The following RLF variants were observed in gnomAD, a reference collection of about 807,000 sequenced individuals.
The protein encoded by RLF is zinc finger protein Rlf.
Under a neutral mutation model 162.9 loss-of-function variants are expected in RLF, and 7 were observed. The observed-to-expected ratio is 0.04, with a 90% CI of 0.02 to 0.08. The LOEUF is 0.08. Among genes scored for constraint, RLF ranks in the 10% least tolerant of loss-of-function variants. RLF has a pLI of 1.00. For missense variants in RLF, 1,664 were observed against 2,244.7 expected, an observed-to-expected ratio of 0.74 and a Z score of 5.23; for synonymous variants, 782 against 791.5, an observed-to-expected ratio of 0.99 and a Z score of 0.20.
chr1:40,165,966 C>T lies in RLF; in HGVS notation c.237+4330C>T, dbSNP rs113849408. On this transcript the variant is annotated intron_variant, in intron 1 of 7. Coordinates refer to ENST00000372771, the MANE Select transcript of RLF (RefSeq NM_012421.4). ...TAACCCGGGGTCTTCCTTTCCCCAT[C>T]TACCTATTTATCCTTTAAGACCTGG... Among the ~76,000 whole-genome samples, 28 of 152,316 alleles carry T rather than the reference C, an allele frequency of 1.8e-4. No individual in the cohort carries two copies. In the East Asian group the frequency reaches 4.4e-3, roughly 24 times the overall value.
chr1:40,212,880 C>G (rs2124548364), intron 5 of RLF, among the ~76,000 whole-genome samples: 1 of 152,210 alleles, frequency 6.6e-6, no homozygotes, highest in African/African-American at 2.4e-5. Context: ...AAAAAGTAAA[C>G]AGGAGTATAG....
intron 3 of RLF, among the ~76,000 whole-genome samples, chr1:40,191,262 G>T (rs1196220211): frequency 2.0e-5 from 3 of 152,168 alleles, no homozygotes; most frequent in African/African-American, 7.2e-5. Context: ...ACCTGGCTGG[G>T]TGTAGTAGCT....
intron 5 of RLF, among the ~76,000 whole-genome samples, chr1:40,205,110 T>C (rs1223771445): frequency 1.3e-5 from 2 of 152,218 alleles, no homozygotes; most frequent in East Asian, 1.9e-4. Context: ...GTCTCTGTTA[T>C]AACCACCCCA....
intron 1 of RLF, among the ~76,000 whole-genome samples, chr1:40,187,869 C>A (rs1419189977): frequency 1.3e-5 from 2 of 152,100 alleles, no homozygotes; most frequent in African/African-American, 4.8e-5. Context: ...GCAGAAAAAT[C>A]AAAGACAGGA....
At chr1:40,182,110 C>A (rs1387682372) in intron 1 of RLF, among the ~76,000 whole-genome samples, 6 of 152,100 alleles carry the variant, frequency 3.9e-5, no homozygotes, top group African/African-American at 1.4e-4. Flanking sequence ...TAGCATGATT[C>A]TATTAAAATG....
chr1:40,230,807 A>G (rs866696581), intron 6 of RLF, among the ~76,000 whole-genome samples: 4 of 152,088 alleles, frequency 2.6e-5, no homozygotes, highest in Middle Eastern at 3.2e-3. Context: ...TTGCATTCAC[A>G]TTTTACATTC....
chr1:40,177,027 G>A lies in RLF; in HGVS notation c.238-12028G>A, dbSNP rs150854853. ...TTTTGAGACCGAGTCTCACTTTGTC[G>A]TCCAGGCAGGAGTGCAATGGCGCGA... On this transcript the variant is annotated intron_variant, in intron 1 of 7. Transcript: ENST00000372771. 6.5e-3 allele frequency among the ~76,000 whole-genome samples: 947 copies of A among 146,282 alleles called. 3 individuals carry two copies. Among genetic ancestry groups the A allele is most frequent in the Admixed American group, 0.011 (161 of 14,386 alleles).
chr1:40,200,934 ACAC>A (rs1642706451), intron 4 of RLF, among the ~76,000 whole-genome samples: 1 of 111,544 alleles, frequency 9.0e-6, no homozygotes, highest in African/African-American at 4.0e-5. Flanking sequence ...ACACACACAC[ACAC>A]ACTGGTTTAT....
chr1:40,227,014 C>G (rs1643087104), intron 6 of RLF, among the ~76,000 whole-genome samples: 2 of 152,284 alleles, frequency 1.3e-5, no homozygotes, highest in African/African-American at 4.8e-5. Flanking sequence ...TAGGTGCCAG[C>G]CACCACGCCT....
chr1:40,235,979 T>G lies in RLF; in HGVS notation c.1277T>G (p.Phe426Cys). 1 of 1,613,746 alleles carries G rather than the reference T, an allele frequency of 6.2e-7. No individual in the cohort carries two copies. Among genetic ancestry groups the G allele is most frequent in the Non-Finnish European group, 8.5e-7 (1 of 1,179,896 alleles). Residue 426 changes from phenylalanine (F) to cysteine (C), a missense_variant, in exon 8 of 8, where the codon TTT (phenylalanine) becomes TGT (cysteine). Phe to Cys is a radical substitution (Grantham distance 205, BLOSUM62 -2). Coordinates refer to ENST00000372771, the MANE Select transcript of RLF (RefSeq NM_012421.4). ...TTAATTGAACCCAGTTTGGATGGAT[T>G]TAATATGTTAGAAGAACTATATTTG... Reference protein sequence around the residue: ...EFLIEPSLDGFNMLEELYLQP... With the variant: ...EFLIEPSLDGCNMLEELYLQP...
chr1:40,216,855 C>T (rs1642930887), intron 5 of RLF, among the ~76,000 whole-genome samples: 1 of 152,088 alleles, frequency 6.6e-6, no homozygotes, highest in African/African-American at 2.4e-5. Context: ...AGTTCGAGTC[C>T]AGCCTGGACA....
intron 4 of RLF, among the ~76,000 whole-genome samples, chr1:40,197,609 C>A (rs1354502374): frequency 1.3e-5 from 2 of 152,168 alleles, no homozygotes; most frequent in Non-Finnish European, 2.9e-5. Context: ...AGAAAAACAT[C>A]AAGAAATGGG....
At chr1:40,234,875 G>A (rs182373583) in intron 7 of RLF, among the ~76,000 whole-genome samples, 44 of 152,208 alleles carry the variant, frequency 2.9e-4, no homozygotes, top group Admixed American at 2.6e-4. Context: ...TTTTAAACTA[G>A]TTTCTGAGAA....
intron 5 of RLF, among the ~76,000 whole-genome samples, chr1:40,219,596 A>C (rs61778541): frequency 0.052 from 7,922 of 152,282 alleles, 603 homozygotes; most frequent in African/African-American, 0.17. Context: ...TACAAAGCCC[A>C]CACTATAAAC....
intron 5 of RLF, among the ~76,000 whole-genome samples, chr1:40,205,708 G>T (rs555891375): frequency 6.6e-6 from 1 of 152,060 alleles, no homozygotes; most frequent in Admixed American, 6.5e-5. Flanking sequence ...AGCCAAGATG[G>T]TCTCCATCTC....
rs750386517 is a variant in RLF at position 40,237,266 on chromosome 1, C to T, written c.2564C>T (p.Pro855Leu). The T allele has an allele frequency of 5.3e-5, 85 of 1,613,800 alleles. No homozygotes were observed. The highest frequency in any genetic ancestry group is 6.3e-5 in the Non-Finnish European group (74 of 1,179,984). ...TGEKQDCINQ[P>L]HLLNQTDKSH... ...GAAAAGCAAGATTGTATTAATCAGC[C>T]CCATCTACTTAACCAAACTGATAAA... is the stretch of plus-strand genomic sequence containing the variant. The change falls in exon 8 of 8, where the codon CCC becomes CTC. Residue 855 changes from proline to leucine, a missense_variant. Pro to Leu is a moderately conservative substitution (Grantham distance 98). Transcript: ENST00000372771. This position sits in a 1 kb window ranked among gnomAD's most constrained non-coding sequence, Gnocchi z 4.4.
intron 6 of RLF, among the ~76,000 whole-genome samples, chr1:40,228,695 C>T (rs963836201): frequency 2.6e-5 from 4 of 151,228 alleles, no homozygotes; most frequent in Middle Eastern, 3.4e-3. Context: ...AATCGAAGCT[C>T]GCTGCAGCCT....
intron 5 of RLF, among the ~76,000 whole-genome samples, chr1:40,214,452 C>T (rs570141972): frequency 6.6e-6 from 1 of 152,238 alleles, no homozygotes; most frequent in Admixed American, 6.5e-5. Flanking sequence ...TGTCAGGTGG[C>T]TCAAATTTTT....
intron 3 of RLF, among the ~76,000 whole-genome samples, chr1:40,194,664 A>G (rs1390121846): frequency 6.6e-6 from 1 of 151,880 alleles, no homozygotes. Context: ...AGAGTCTGCT[A>G]GTAACATGAG....
Sources: gnomAD v4.1 joint callset for allele counts (sites outside exome capture counted in the v4.1 genomes callset) on GRCh38, gnomAD v4.1.1 for gene constraint, Gnocchi (gnomAD v3.1) non-coding constraint, MANE v1.5 for transcripts, NCBI Gene and HGNC (gene_info 2026-07-23, HGNC 2026-07-21) for gene names.